Variants in HMGCS1 observed in about 807,000 individuals in gnomAD.
HMGCS1 encodes the protein hydroxymethylglutaryl-CoA synthase, cytoplasmic.
In HMGCS1, 9 loss-of-function variants were observed where a neutral mutation model predicts 52.3. The observed-to-expected ratio is 0.17, with a 90% CI of 0.10 to 0.30. The LOEUF (loss-of-function observed/expected upper bound fraction) is 0.30. Among genes scored for constraint, HMGCS1 ranks in the 10% least tolerant of loss-of-function variants. HMGCS1 has a pLI of 1.00. For missense variants in HMGCS1, 320 were observed against 620.9 expected (o/e 0.52, Z 5.15); for synonymous variants, 176 against 214.4 (o/e 0.82, Z 1.57).
At position 43,289,771 on chromosome 5, in the gene HMGCS1, CATT is replaced by C. The variant is rs559941634; in HGVS notation, c.*1357_*1359del. On this transcript the variant is annotated 3_prime_UTR_variant, in exon 11 of 11. Transcript: ENST00000325110. ...TTACATATTACCTTGCAATCTGAAA[CATT>C]ATATTTCATATTTGTGTATATTTAT... The C allele has an allele frequency of 2.6e-5, 4 of 152,610 alleles. No homozygotes were observed. The highest frequency in any genetic ancestry group is 4.2e-4 in the South Asian group (2 of 4,812). 9.5% of individuals were successfully genotyped at this position (152,610 alleles called of 1,614,324 possible).
At chr5:43,304,677 A>G (rs888264913) in intron 2 of HMGCS1, among the ~76,000 whole-genome samples, 2 of 152,238 alleles carry the variant, frequency 1.3e-5, no homozygotes, top group Non-Finnish European at 2.9e-5. Flanking sequence ...ATTTGAAAAC[A>G]AACAAAAAAC....
intron 7 of HMGCS1, 29 bp downstream of exon 7, chr5:43,294,662 G>A: frequency 1.3e-6 from 2 of 1,516,470 alleles, no homozygotes; most frequent in Non-Finnish European, 1.8e-6. Context: ...AATAAGGGGA[G>A]TTAAGTAGTA....
intron 1 of HMGCS1, among the ~76,000 whole-genome samples, chr5:43,311,269 G>A (rs1443618945): frequency 1.4e-5 from 2 of 148,012 alleles, no homozygotes; most frequent in Non-Finnish European, 3.0e-5. Context: ...GCAGTGAGCC[G>A]AGATCACGCT....
intron 1 of HMGCS1, among the ~76,000 whole-genome samples, chr5:43,308,453 T>C (rs951335940): frequency 2.6e-5 from 4 of 152,240 alleles, no homozygotes; most frequent in African/African-American, 7.2e-5. Flanking sequence ...AAAATAAAGG[T>C]ATTTTTTCTA....
chr5:43,299,391 T>G (rs1754194661), intron 2 of HMGCS1, among the ~76,000 whole-genome samples: 1 of 152,194 alleles, frequency 6.6e-6, no homozygotes, highest in Non-Finnish European at 1.5e-5. Context: ...GGCTCATGCC[T>G]GTAATCTCAG....
chr5:43,295,522 C>T (rs567831390), intron 6 of HMGCS1, among the ~76,000 whole-genome samples: 33 of 152,192 alleles, frequency 2.2e-4, no homozygotes, highest in Admixed American at 1.5e-3. Flanking sequence ...ATGAATGGAG[C>T]TGAAAGAAAT....
chr5:43,307,936 C>T (rs1754660077), intron 1 of HMGCS1, 112 bp from the exon 2 acceptor site: 1 of 152,186 alleles, frequency 6.6e-6, no homozygotes, highest in Admixed American at 6.5e-5. Flanking sequence ...TATCCAATTA[C>T]ATTATGCAGA....
At position 43,298,353 on chromosome 5, in the gene HMGCS1, T is replaced by C. The variant is rs1754137306; in HGVS notation, c.448+165A>G. 1 of 666,302 alleles carries C rather than the reference T, an allele frequency of 1.5e-6. No homozygotes were observed. Among genetic ancestry groups the C allele is most frequent in the Non-Finnish European group, 2.5e-6 (1 of 397,738 alleles). 41.3% of individuals were successfully genotyped at this position (666,302 alleles called of 1,614,324 possible). On this transcript the variant is annotated intron_variant, in intron 3 of 10. Transcript: ENST00000325110. This position sits in a 1 kb window ranked among gnomAD's most constrained non-coding sequence, Gnocchi z 5.6. ...TTGTCCTACAAGATAAGATAACCAA[T>C]TCACAATTCGGATAATGACAGACAG...
At chr5:43,292,275 G>A (rs548314000) in intron 10 of HMGCS1, among the ~76,000 whole-genome samples, 199 bp downstream of exon 10, 1 of 152,258 alleles carries the variant, frequency 6.6e-6, no homozygotes, top group Non-Finnish European at 1.5e-5. Context: ...ACAGGCGTGA[G>A]CCACCGCACC....
chr5:43,288,920 C>T lies in HMGCS1; in HGVS notation c.*2211G>A, dbSNP rs949258674. On this transcript the variant is annotated 3_prime_UTR_variant, in exon 11 of 11. Coordinates refer to ENST00000325110, the MANE Select transcript of HMGCS1 (RefSeq NM_001098272.3). Reference sequence around the variant, plus strand: ...TGCAGGGATTCCTTCTATAAAACCCCTGGGGATCACTAGCAACATGGGACT... The same window carrying T: ...TGCAGGGATTCCTTCTATAAAACCCTTGGGGATCACTAGCAACATGGGACT... The T allele has an allele frequency of 8.5e-5, 13 of 152,078 alleles. No individual in the cohort carries two copies. Among genetic ancestry groups the T allele is most frequent in the African/African-American group, 2.7e-4 (11 of 41,414 alleles). The allele number at this position is 152,078 out of a possible 1,614,324, so 9.4% of individuals were successfully genotyped here.
chr5:43,294,251 G>C (rs1579638265), intron 7 of HMGCS1, 89 bp from the exon 8 acceptor site: 1 of 750,114 alleles, frequency 1.3e-6, no homozygotes, highest in East Asian at 2.5e-5. Flanking sequence ...AAAAATTTAG[G>C]CTATAAGTAA....
Position 43,294,087 on chromosome 5 carries a change from G to T in HMGCS1, c.1152C>A (p.Tyr384Ter). The change falls in exon 8 of 11, where the codon TAC becomes TAA. Residue 384 changes from tyrosine (Y) to a stop codon, truncating the protein, a stop_gained. Coordinates refer to ENST00000325110, the MANE Select transcript of HMGCS1 (RefSeq NM_001098272.3). LOFTEE classifies it high-confidence loss of function. ...TAGCATCTTGTGTGACTTTAAGAGA[G>T]TACAGAGTGGCAGCCAAACCAGAAC... ...SYGSGLAATL[Y>*]SLKVTQDATP... 1 of 1,611,944 alleles carries T rather than the reference G, an allele frequency of 6.2e-7. No individual in the cohort carries two copies. The highest frequency in any genetic ancestry group is 1.3e-5 in the African/African-American group (1 of 74,964).
chr5:43,297,482 C>T (rs186411514), intron 4 of HMGCS1, among the ~76,000 whole-genome samples: 11 of 152,236 alleles, frequency 7.2e-5, no homozygotes, highest in African/African-American at 9.6e-5. Context: ...ATCATTTGAA[C>T]CCTACATTAA....
chr5:43,289,548 T>C lies in HMGCS1; in HGVS notation c.*1583A>G, dbSNP rs1467796959. 5.9e-5 allele frequency: 9 copies of C among 152,594 alleles called. No homozygotes were observed. Among genetic ancestry groups the C allele is most frequent in the Non-Finnish European group, 1.3e-4 (9 of 68,036 alleles). The allele number at this position is 152,594 out of a possible 1,614,324, so 9.5% of individuals were successfully genotyped here. A position where few individuals can be genotyped will look rare whatever the true frequency, so the allele number is the denominator to read the frequency against. ...TCCTGGCACCCAAAAGTTAAATTAC[T>C]CTTTTCAAAACATACCGATCTCCCC... On this transcript the variant is annotated 3_prime_UTR_variant, in exon 11 of 11. Transcript: ENST00000325110.
intron 2 of HMGCS1, among the ~76,000 whole-genome samples, chr5:43,306,817 C>CT (rs1462422716): frequency 6.6e-6 from 1 of 152,134 alleles, no homozygotes; most frequent in African/African-American, 2.4e-5. Context: ...AGGAACCGTG[C>CT]TTTGTTCATT....
rs757117917 is a variant in HMGCS1 at position 43,292,549 on chromosome 5, G to A, written c.1398C>T (p.Tyr466=). Residue 466 remains tyrosine, a synonymous_variant, in exon 10 of 11, where the codon TAC becomes TAT. Transcript: ENST00000325110. ...CATCATTTGGAGTGGGACGCCGAGCGTAAGTTCTTCTGTGCTTTTCATCCA... is the reference window on the plus strand; with the variant it reads ...CATCATTTGGAGTGGGACGCCGAGCATAAGTTCTTCTGTGCTTTTCATCCA... ...VRVDEKHRRT[Y]ARRPTPNDDT... is the part of the protein sequence containing the mutation. 20 of 1,613,788 alleles carry A rather than the reference G, an allele frequency of 1.2e-5. No individual in the cohort carries two copies. The East Asian group carries it at 2.0e-4, about 16-fold the overall frequency.
intron 2 of HMGCS1, among the ~76,000 whole-genome samples, chr5:43,304,952 T>C (rs1348109529): frequency 1.3e-5 from 2 of 152,102 alleles, no homozygotes; most frequent in African/African-American, 4.8e-5. Context: ...TCATGACATT[T>C]AGAAGAACAG....
Position 43,295,894 on chromosome 5 carries a change from A to C in HMGCS1, c.763T>G (p.Leu255Val), listed in dbSNP as rs1754008327. Residue 255 changes from leucine to valine, a missense_variant, in exon 6 of 11, where the codon TTG (leucine) becomes GTG (valine). Leu to Val is a conservative substitution (Grantham distance 32). Coordinates refer to ENST00000325110, the MANE Select transcript of HMGCS1 (RefSeq NM_001098272.3). ...QKEGNDKDFT[L>V]NDFGFMIFHS... ...AAGATCATGAAGCCAAAATCATTCAAGGTAAAATCTTTATCATTTCCCTCT... is the reference window on the plus strand; with the variant it reads ...AAGATCATGAAGCCAAAATCATTCACGGTAAAATCTTTATCATTTCCCTCT... 28 of 1,612,286 alleles carry C rather than the reference A, an allele frequency of 1.7e-5. No homozygotes were observed. The highest frequency in any genetic ancestry group is 2.1e-5 in the Non-Finnish European group (25 of 1,178,694).
intron 2 of HMGCS1, among the ~76,000 whole-genome samples, chr5:43,303,685 A>G (rs1050420431): frequency 3.3e-4 from 51 of 152,330 alleles, no homozygotes; most frequent in African/African-American, 1.2e-3. Flanking sequence ...ATGGAAAGAA[A>G]AACTCCTAAA....
Sources: allele counts gnomAD v4.1 joint callset (sites outside exome capture counted in the v4.1 genomes callset), GRCh38; gene constraint gnomAD v4.1.1; non-coding constraint Gnocchi (gnomAD v3.1); transcripts MANE v1.5; gene names NCBI Gene and HGNC (gene_info 2026-07-23, HGNC 2026-07-21).